Variants in TRIOBP observed in about 807,000 individuals in gnomAD.
TRIOBP encodes the protein TRIO and F-actin binding protein, also known as TRIO and F-actin-binding protein.
TRIOBP carries 169 observed loss-of-function variants against 238.8 expected under a neutral mutation model. The ratio of observed to expected loss-of-function variants is 0.71; its 90% CI spans 0.62 to 0.80. TRIOBP has a LOEUF of 0.80. Among genes scored for constraint, TRIOBP ranks in the 30% least tolerant of loss-of-function variants. The pLI is 0.00. For synonymous variants in TRIOBP, 1,150 were observed against 1,274.4 expected (o/e 0.90, Z 2.08); for missense variants, 2,838 against 3,122.6 (o/e 0.91, Z 2.17).
chr22:37,749,839 C>T (rs1380911801), intron 11 of TRIOBP, among the ~76,000 whole-genome samples: 1 of 151,620 alleles, frequency 6.6e-6, no homozygotes, highest in Non-Finnish European at 1.5e-5. Flanking sequence ...TATGTCGTCC[C>T]GGCTACTTGG....
At position 37,751,798 on chromosome 22, in the gene TRIOBP, A is replaced by T. The variant is rs201691906; in HGVS notation, c.5349A>T (p.Gly1783=). 3.1e-6 allele frequency: 5 copies of T among 1,613,962 alleles called. No homozygotes were observed. The Admixed American group carries it at 5.0e-5, about 16-fold the overall frequency. ...RRPDLLNFKK[G]WMSILDEPGE... ...CCGATCTGCTCAACTTCAAGAAGGG[A>T]TGGATGTCGATCTTGGACGAGCCTG... The change falls in exon 12 of 24, where the codon GGA becomes GGT. Residue 1783 remains glycine (G), a synonymous_variant. Transcript: ENST00000644935.
In TRIOBP at chr22:37,723,453, C is replaced by G. The variant is rs1365329652; in HGVS notation, c.897C>G (p.Ile299Met). ...GGGCCTCATCCACCCAACAGGAAAT[C>G]TCCAGGGCCTCATCCACCCAACAGG... ...TSRASSTQQEISRASSTQQET... is the reference protein window; with the variant it reads ...TSRASSTQQEMSRASSTQQET... Residue 299 changes from isoleucine to methionine, a missense_variant, in exon 7 of 24, where the codon ATC becomes ATG. Ile to Met is a conservative substitution (Grantham distance 10, BLOSUM62 1). This residue lies in a region of TRIOBP where 535 missense variants were observed against 537.3 expected (regional missense o/e 1.00). Transcript: ENST00000644935. 1 of 1,613,310 alleles carries G rather than the reference C, an allele frequency of 6.2e-7. No homozygotes were observed. The highest frequency in any genetic ancestry group is 1.1e-5 in the South Asian group (1 of 91,032).
At chr22:37,737,696 T>C (rs1472399907) in intron 9 of TRIOBP, among the ~76,000 whole-genome samples, 1 of 148,276 alleles carries the variant, frequency 6.7e-6, no homozygotes, top group East Asian at 2.0e-4. Flanking sequence ...GGCATGGCAC[T>C]CAAGGCCGGC....
intron 21 of TRIOBP, among the ~76,000 whole-genome samples, chr22:37,770,319 G>A (rs527450732): frequency 7.3e-5 from 11 of 150,736 alleles, no homozygotes; most frequent in South Asian, 2.1e-4. Context: ...GCGCGGTGGC[G>A]GGTGCCTGTA....
intron 4 of TRIOBP, among the ~76,000 whole-genome samples, chr22:37,712,652 T>G (rs1373232581): frequency 6.6e-6 from 1 of 151,446 alleles, no homozygotes; most frequent in Admixed American, 6.6e-5. Flanking sequence ...GGAATTATTA[T>G]ACTTACTTTA....
intron 3 of TRIOBP, among the ~76,000 whole-genome samples, chr22:37,709,682 G>C (rs999656513): frequency 1.3e-5 from 2 of 152,288 alleles, no homozygotes; most frequent in South Asian, 2.1e-4. Context: ...GGAGGAATTG[G>C]GGGGGGCCCT....
intron 9 of TRIOBP, among the ~76,000 whole-genome samples, chr22:37,736,334 G>A (rs543519695): frequency 2.6e-5 from 4 of 152,288 alleles, no homozygotes; most frequent in South Asian, 2.1e-4. Flanking sequence ...GACGGGCAGC[G>A]CTGGGGTGCC....
chr22:37,704,076 G>A (rs536644144), intron 3 of TRIOBP, among the ~76,000 whole-genome samples: 1 of 152,224 alleles, frequency 6.6e-6, no homozygotes, highest in African/African-American at 2.4e-5. Flanking sequence ...TATGCTAGAT[G>A]ATGGGGAAAT....
intron 11 of TRIOBP, chr22:37,750,843 A>T (rs1485376038): frequency 4.7e-6 from 2 of 428,934 alleles, no homozygotes; most frequent in African/African-American, 4.0e-5. Flanking sequence ...CGCCCACTCC[A>T]CTGAGCCATG....
In TRIOBP at chr22:37,719,620, G is replaced by GT. The variant is rs201428987; in HGVS notation, c.629-3558dup. Among the ~76,000 whole-genome samples the GT allele has an allele frequency of 8.4e-3, 1,271 of 152,178 alleles. 15 individuals are homozygous for GT. The highest frequency in any genetic ancestry group is 0.011 in the Non-Finnish European group (767 of 68,002). The stretch of plus-strand genomic sequence containing the variant: ...AGCAGCAGCATTACAGCAGTGACCT[G>GT]TTTTTTTGATGTTCCAGGCCTTGTG... On this transcript the variant is annotated intron_variant, in intron 6 of 23. Transcript: ENST00000644935.
At chr22:37,769,745 T>C (rs1247622074) in intron 21 of TRIOBP, among the ~76,000 whole-genome samples, 1 of 145,966 alleles carries the variant, frequency 6.9e-6, no homozygotes, top group East Asian at 2.0e-4. Flanking sequence ...CTTTCTTTTT[T>C]TGAGACAGAG....
intron 17 of TRIOBP, among the ~76,000 whole-genome samples, chr22:37,762,586 A>C (rs1926299092): frequency 6.6e-6 from 1 of 152,118 alleles, no homozygotes; most frequent in Non-Finnish European, 1.5e-5. Flanking sequence ...AAAGTCTGTC[A>C]GTGTTTGGTC....
chr22:37,709,480 A>T (rs1399316790), intron 3 of TRIOBP, among the ~76,000 whole-genome samples: 2 of 152,148 alleles, frequency 1.3e-5, no homozygotes, highest in Non-Finnish European at 2.9e-5. Flanking sequence ...CACAGCCCGG[A>T]GTCGGGGCCT....
chr22:37,773,868 CCCACCCTCTGTGGG>C lies in TRIOBP; in HGVS notation c.*93_*106del, dbSNP rs1406659119. Reference sequence around the variant, plus strand: ...TGGAAGTAAAAAGCCAAGCTTTCTCCCCACCCTCTGTGGGCCACACGTGCACTTGCACCCACCAC... The same window carrying C: ...TGGAAGTAAAAAGCCAAGCTTTCTCCCCACACGTGCACTTGCACCCACCAC... On this transcript the variant is annotated 3_prime_UTR_variant, in exon 24 of 24. Transcript: ENST00000644935. 1 of 152,580 alleles carries C rather than the reference CCCACCCTCTGTGGG, an allele frequency of 6.6e-6. No homozygotes were observed. Among genetic ancestry groups the C allele is most frequent in the Non-Finnish European group, 1.5e-5 (1 of 68,246 alleles). 9.5% of individuals were successfully genotyped at this position (152,580 alleles called of 1,614,324 possible).
intron 3 of TRIOBP, among the ~76,000 whole-genome samples, chr22:37,703,413 A>T (rs968323246): frequency 6.6e-6 from 1 of 152,072 alleles, no homozygotes; most frequent in African/African-American, 2.4e-5. Context: ...ATACACACGC[A>T]ATGAGAAACC....
intron 17 of TRIOBP, among the ~76,000 whole-genome samples, chr22:37,760,551 C>T (rs1038106376): frequency 2.0e-5 from 3 of 152,124 alleles, no homozygotes; most frequent in African/African-American, 7.2e-5. Context: ...GTATCTATTG[C>T]CTTGTCTTTA....
chr22:37,699,145 G>A (rs1305571043), intron 2 of TRIOBP, among the ~76,000 whole-genome samples: 1 of 152,046 alleles, frequency 6.6e-6, no homozygotes, highest in Non-Finnish European at 1.5e-5. Flanking sequence ...GAGAGACTTC[G>A]TCTCAAAAAA....
Position 37,770,256 on chromosome 22 carries a change from T to C in TRIOBP, c.6849+881T>C, listed in dbSNP as rs533204170. On this transcript the variant is annotated intron_variant, in intron 21 of 23. Transcript: ENST00000644935. ...ATCAAGACCATCCTGGCTAACACAG[T>C]GAAACCCCGTCTCTACTAAAAATAC... is the stretch of plus-strand genomic sequence containing the variant. Among the ~76,000 whole-genome samples the C allele has an allele frequency of 9.0e-4, 134 of 148,732 alleles. 1 individual carries two copies. The highest frequency in any genetic ancestry group is 1.8e-3 in the Non-Finnish European group (118 of 67,068).
Position 37,755,091 on chromosome 22 carries a change from C to A in TRIOBP, c.5488-10C>A, listed in dbSNP as rs918848729. The A allele has an allele frequency of 1.2e-5, 20 of 1,612,490 alleles. No homozygotes were observed. The highest frequency in any genetic ancestry group is 1.7e-5 in the Non-Finnish European group (20 of 1,179,364). On this transcript the variant is annotated splice_polypyrimidine_tract_variant and intron_variant, in intron 13 of 23. Coordinates refer to ENST00000644935, the MANE Select transcript of TRIOBP (RefSeq NM_001039141.3). ...GCCCACACGGACCATAGTGGGCCCT[C>A]TTGCTCCAGGCAGATGAGCTGGATG...
Sources: gnomAD v4.1 joint callset for allele counts (sites outside exome capture counted in the v4.1 genomes callset) on GRCh38, gnomAD v4.1.1 for gene constraint, gnomAD v4.1.1 regional missense constraint, MANE v1.5 for transcripts, NCBI Gene and HGNC (gene_info 2026-07-23, HGNC 2026-07-21) for gene names.